The following SUGCT variants were observed in gnomAD, a reference collection of about 807,000 sequenced individuals.
SUGCT encodes succinyl-CoA:glutarate CoA-transferase.
A neutral mutation model predicts 55.0 loss-of-function variants in SUGCT; 41 were observed. The ratio of observed to expected loss-of-function variants is 0.74; its 90% CI spans 0.58 to 0.97. The LOEUF is 0.97. Among genes scored for constraint, SUGCT ranks in the 50% least tolerant of loss-of-function variants. The pLI, the probability that SUGCT is intolerant of heterozygous loss-of-function variation, is 0.00. For synonymous variants in SUGCT, 187 were observed against 200.4 expected (o/e 0.93, Z 0.56); for missense variants, 568 against 547.8 (o/e 1.04, Z -0.37).
chr7:40,864,829 C>T (rs1236569165), downstream of SUGCT, among the ~76,000 whole-genome samples: 1 of 152,012 alleles, frequency 6.6e-6, no homozygotes, highest in African/African-American at 2.4e-5. Context: ...GTGTTGGTGC[C>T]GAGAGGGAGG....
chr7:40,973,562 A>G, the SUGCT span, among the ~76,000 whole-genome samples: 1 of 152,160 alleles, frequency 6.6e-6, no homozygotes, highest in African/African-American at 2.4e-5. Context: ...ACTATCAGAG[A>G]GCTAATTAAG....
chr7:40,908,024 C>G, the SUGCT span, among the ~76,000 whole-genome samples: 2 of 151,576 alleles, frequency 1.3e-5, no homozygotes, highest in African/African-American at 4.9e-5. Context: ...AAGAAAAATA[C>G]TCACATCCAA....
chr7:40,933,590 C>A, the SUGCT span, among the ~76,000 whole-genome samples: 1 of 152,162 alleles, frequency 6.6e-6, no homozygotes, highest in Admixed American at 6.5e-5. Flanking sequence ...TAGATTTGGT[C>A]TTTTCACATA....
At chr7:40,552,712 A>G (rs1168734256) in intron 12 of SUGCT, among the ~76,000 whole-genome samples, 1 of 152,172 alleles carries the variant, frequency 6.6e-6, no homozygotes, top group Admixed American at 6.5e-5. Context: ...GGAAAAGGGC[A>G]AATTATGTTT....
chr7:40,516,663 G>T (rs978966252), intron 12 of SUGCT, among the ~76,000 whole-genome samples: 1 of 152,012 alleles, frequency 6.6e-6, no homozygotes, highest in African/African-American at 2.4e-5. Flanking sequence ...AAATGTGAGG[G>T]TTTATTTTGT....
chr7:40,592,388 G>T (rs1797775484), intron 12 of SUGCT, among the ~76,000 whole-genome samples: 1 of 152,204 alleles, frequency 6.6e-6, no homozygotes, highest in South Asian at 2.1e-4. Context: ...CTGGTTGTTT[G>T]TCTGGAAGAG....
At chr7:40,274,456 A>T in intron 7 of SUGCT, 57 bp from the exon 8 acceptor site, 2 of 1,560,642 alleles carry the variant, frequency 1.3e-6, no homozygotes, top group East Asian at 2.3e-5. Flanking sequence ...TTGAGAAATC[A>T]TATGATTCTT....
chr7:40,341,035 G>T (rs1407419870), intron 9 of SUGCT, among the ~76,000 whole-genome samples: 1 of 152,232 alleles, frequency 6.6e-6, no homozygotes, highest in Non-Finnish European at 1.5e-5. Context: ...CATTATGAGG[G>T]TCTGAAGAAA....
the SUGCT span, among the ~76,000 whole-genome samples, chr7:40,996,924 GTA>G: frequency 6.6e-6 from 1 of 152,170 alleles, no homozygotes; most frequent in Non-Finnish European, 1.5e-5. Context: ...AATTAGGAAA[GTA>G]CTAATCCCAA....
chr7:40,914,272 C>CTTATT, the SUGCT span, among the ~76,000 whole-genome samples: 2,553 of 139,256 alleles, frequency 0.018, 99 homozygotes, highest in African/African-American at 0.07. Flanking sequence ...TTATTTTTTT[C>CTTATT]TTTTTCTTTT....
Position 40,449,324 on chromosome 7 carries a change from C to G in SUGCT, c.854C>G (p.Ala285Gly), listed in dbSNP as rs1255662324. ...KTKDGYIVVG[A>G]GNNQQFATVC... Reference sequence around the variant, plus strand: ...AAGGATGGCTATATTGTAGTTGGAGCAGGAAATAACCAGCAGTTTGCCACC... The same window carrying G: ...AAGGATGGCTATATTGTAGTTGGAGGAGGAAATAACCAGCAGTTTGCCACC... The change falls in exon 10 of 14, where the codon GCA becomes GGA. Residue 285 changes from alanine to glycine, a missense_variant. By Grantham distance (60) the Ala-to-Gly change is moderately conservative (BLOSUM62 0). Coordinates refer to ENST00000335693, the MANE Select transcript of SUGCT (RefSeq NM_001193313.2). 6.2e-7 allele frequency: 1 copy of G among 1,612,138 alleles called. No individual in the cohort carries two copies. Among genetic ancestry groups the G allele is most frequent in the Non-Finnish European group, 8.5e-7 (1 of 1,178,680 alleles).
chr7:40,827,492 C>T (rs1164269452), intron 13 of SUGCT, among the ~76,000 whole-genome samples: 2 of 152,172 alleles, frequency 1.3e-5, no homozygotes, highest in Non-Finnish European at 1.5e-5. Context: ...TTTCCCTGCT[C>T]ACCAGCTCCA....
intron 7 of SUGCT, among the ~76,000 whole-genome samples, chr7:40,246,164 A>G (rs973582186): frequency 6.6e-6 from 1 of 152,100 alleles, no homozygotes; most frequent in African/African-American, 2.4e-5. Context: ...CCCAAGCAAT[A>G]CTACCTCCTC....
intron 12 of SUGCT, among the ~76,000 whole-genome samples, chr7:40,498,117 C>T (rs1792086785): frequency 6.6e-6 from 1 of 151,998 alleles, no homozygotes; most frequent in Admixed American, 6.6e-5. Context: ...CAGTCATTAG[C>T]CAGTTTCCAA....
At chr7:40,858,581 CTG>C (rs949475950) in intron 13 of SUGCT, among the ~76,000 whole-genome samples, 1 of 152,180 alleles carries the variant, frequency 6.6e-6, no homozygotes, top group African/African-American at 2.4e-5. Flanking sequence ...TAGATTAAAA[CTG>C]TTTTTAATTA....
At position 40,585,941 on chromosome 7, in the gene SUGCT, A is replaced by G. The variant is rs148378264; in HGVS notation, c.1089+89555A>G. ...AGCAATCCATCTGTCTTGGCCTCCA[A>G]TGTGCTAGGGTTACAGGTGAGAGCC... On this transcript the variant is annotated intron_variant, in intron 12 of 13. Coordinates refer to ENST00000335693, the MANE Select transcript of SUGCT (RefSeq NM_001193313.2). Among the ~76,000 whole-genome samples the G allele has an allele frequency of 6.0e-4, 91 of 152,240 alleles. 1 individual carries two copies. Among genetic ancestry groups the G allele is most frequent in the African/African-American group, 2.0e-3 (85 of 41,556 alleles).
rs545488848 is a variant in SUGCT, at chr7:40,736,255, TA to T, written c.1090-13177del. Among the ~76,000 whole-genome samples the T allele has an allele frequency of 7.1e-3, 488 of 68,682 alleles. 2 individuals carry two copies. The highest frequency in any genetic ancestry group is 9.8e-3 in the African/African-American group (58 of 5,948). 45.1% of individuals were successfully genotyped at this position (68,682 alleles called of 152,430 possible). A position where few individuals can be genotyped will look rare whatever the true frequency, so the allele number is the denominator to read the frequency against. ...TCAATATATAATATATAATATATTA[TA>T]ATATTTCAATATATAATATATAATA... On this transcript the variant is annotated intron_variant, in intron 12 of 13. Transcript: ENST00000335693.
chr7:40,625,887 G>A (rs2151799833), intron 12 of SUGCT, among the ~76,000 whole-genome samples: 1 of 152,264 alleles, frequency 6.6e-6, no homozygotes, highest in South Asian at 2.1e-4. Flanking sequence ...TATTAGGAGT[G>A]ATTTTAAAAA....
intron 7 of SUGCT, among the ~76,000 whole-genome samples, chr7:40,244,919 A>C (rs936634966): frequency 3.9e-5 from 6 of 152,160 alleles, no homozygotes; most frequent in Non-Finnish European, 5.9e-5. Context: ...ACGGTCCACA[A>C]TATAAATCTC....
Sources: allele counts gnomAD v4.1 joint callset (sites outside exome capture counted in the v4.1 genomes callset), GRCh38; gene constraint gnomAD v4.1.1; transcripts MANE v1.5; gene names NCBI Gene and HGNC (gene_info 2026-07-23, HGNC 2026-07-21).